The following SULT1C4 variants were observed in gnomAD, a reference collection of about 807,000 sequenced individuals.
SULT1C4 encodes the protein sulfotransferase family 1C member 4.
In SULT1C4, 32 loss-of-function variants were observed where a neutral mutation model predicts 34.8. The observed-to-expected ratio is 0.92, with a 90% CI of 0.69 to 1.23. The LOEUF is 1.23. Ranked by LOEUF, SULT1C4 falls within the 50% of genes most tolerant of loss-of-function variation. The pLI, the probability that SULT1C4 is intolerant of heterozygous loss-of-function variation, is 0.00. For synonymous variants in SULT1C4, 111 were observed against 120.5 expected, an observed-to-expected ratio of 0.92 and a Z score of 0.51; for missense variants, 375 against 365.9, an observed-to-expected ratio of 1.02 and a Z score of -0.20.
intron 5 of SULT1C4, among the ~76,000 whole-genome samples, chr2:108,384,251 A>G (rs1678510990): frequency 6.7e-6 from 1 of 148,826 alleles, no homozygotes. Flanking sequence ...ATTTTTTGAG[A>G]CGGAGTCTCA....
At chr2:108,383,537 C>CCCA in intron 5 of SULT1C4, 27 bp downstream of exon 5, 2 of 1,589,686 alleles carry the variant, frequency 1.3e-6, no homozygotes, top group East Asian at 4.5e-5. Context: ...CTAAGGTGTA[C>CCCA]CCACTGGACC....
Position 108,380,691 on chromosome 2 carries a change from G to T in SULT1C4, c.170-1071G>T, listed in dbSNP as rs547058232. ...AGACACAGACAGACTGAAGCTGGGG[G>T]ATACCATTCTACCTATGGCCACAGT... On this transcript the variant is annotated intron_variant, in intron 1 of 6. Coordinates refer to ENST00000272452, the MANE Select transcript of SULT1C4 (RefSeq NM_006588.4). 3.3e-5 allele frequency among the ~76,000 whole-genome samples: 5 copies of T among 152,314 alleles called. No individual in the cohort carries two copies. The South Asian group carries it at 1.0e-3, about 32-fold the overall frequency.
At chr2:108,383,556 T>C (rs1483632305) in intron 5 of SULT1C4, 46 bp downstream of exon 5, 1 of 1,559,380 alleles carries the variant, frequency 6.4e-7, no homozygotes, top group Admixed American at 1.8e-5. Flanking sequence ...CCATAAAACA[T>C]TTAAGTCATA....
intron 4 of SULT1C4, 37 bp from the exon 5 acceptor site, chr2:108,383,379 T>C (rs1341191755): frequency 1.2e-6 from 2 of 1,606,330 alleles, no homozygotes; most frequent in Non-Finnish European, 1.7e-6. Context: ...ATAGGACCTC[T>C]GTGACTCATT....
rs1283482678 is a variant in SULT1C4 at position 108,388,068 on chromosome 2, T to G, written c.*636T>G. 6.6e-6 allele frequency: 1 copy of G among 152,378 alleles called. No individual in the cohort carries two copies. Among genetic ancestry groups the G allele is most frequent in the Non-Finnish European group, 1.5e-5 (1 of 68,194 alleles). 9.4% of individuals were successfully genotyped at this position (152,378 alleles called of 1,614,324 possible). A position where few individuals can be genotyped will look rare whatever the true frequency, so the allele number is the denominator to read the frequency against. ...CACCCGCTTCGGCCTCCCAAAGTGC[T>G]GAGATTACAGGCGTGAGCCACTGCG... On this transcript the variant is annotated 3_prime_UTR_variant, in exon 7 of 7. Transcript: ENST00000272452.
Position 108,383,151 on chromosome 2 carries a change from G to A in SULT1C4, c.452G>A (p.Arg151Lys), listed in dbSNP as rs1229976405. The A allele has an allele frequency of 1.2e-6, 2 of 1,612,674 alleles. No homozygotes were observed. ...DNMVSYYHFQ[R>K]MNKALPAPGT... Reference sequence around the variant, plus strand: ...ATGGTGTCCTATTACCATTTCCAAAGAATGAATAAAGCTCTTCCTGCTCCA... The same window carrying A: ...ATGGTGTCCTATTACCATTTCCAAAAAATGAATAAAGCTCTTCCTGCTCCA... Residue 151 changes from arginine to lysine, a missense_variant, in exon 4 of 7, where the codon AGA (arginine) becomes AAA (lysine). Coordinates refer to ENST00000272452, the MANE Select transcript of SULT1C4 (RefSeq NM_006588.4).
Position 108,381,746 on chromosome 2 carries a change from T to C in SULT1C4, c.170-16T>C. The C allele has an allele frequency of 7.3e-7, 1 of 1,370,268 alleles. No individual in the cohort carries two copies. Among genetic ancestry groups the C allele is most frequent in the Non-Finnish European group, 9.5e-7 (1 of 1,055,274 alleles). The allele number at this position is 1,370,268 out of a possible 1,614,324, so 84.9% of individuals were successfully genotyped here. On this transcript the variant is annotated splice_polypyrimidine_tract_variant and intron_variant, in intron 1 of 6. Coordinates refer to ENST00000272452, the MANE Select transcript of SULT1C4 (RefSeq NM_006588.4). ...ATACTAGATGTCTATTCATCTTCAT[T>C]TTACGTGCACGTAAGGAACAACATG...
rs996811232 is a variant in SULT1C4 at position 108,382,404 on chromosome 2, A to G, written c.315A>G (p.Ala105=). ...SLGSGLEQAH[A]MPSPRILKTH... is the part of the protein sequence containing the mutation. Reference sequence around the variant, plus strand: ...TTGCAGGTTTGGAACAAGCTCATGCAATGCCCTCACCACGGATCCTGAAAA... The same window carrying G: ...TTGCAGGTTTGGAACAAGCTCATGCGATGCCCTCACCACGGATCCTGAAAA... The change falls in exon 3 of 7, where the codon GCA becomes GCG. Residue 105 remains alanine, a synonymous_variant. Transcript: ENST00000272452. The G allele has an allele frequency of 3.7e-6, 6 of 1,613,974 alleles. No individual in the cohort carries two copies. Among genetic ancestry groups the G allele is most frequent in the South Asian group, 1.1e-5 (1 of 91,078 alleles).
At chr2:108,387,287 C>T (rs1678593040) in intron 6 of SULT1C4, 33 bp from the exon 7 acceptor site, 1 of 1,515,328 alleles carries the variant, frequency 6.6e-7, no homozygotes, top group Non-Finnish European at 9.1e-7. Flanking sequence ...CTTCCAACAG[C>T]TACTGAACCT....
chr2:108,383,213 G>A lies in SULT1C4; in HGVS notation c.514G>A (p.Gly172Arg), dbSNP rs532365323. 3.4e-5 allele frequency: 55 copies of A among 1,608,470 alleles called. No individual in the cohort carries two copies. In the Admixed American group the frequency reaches 3.9e-4, roughly 12 times the overall value. Residue 172 changes from glycine (G) to arginine (R), a missense_variant, in exon 4 of 7, where the codon GGG becomes AGG. Coordinates refer to ENST00000272452, the MANE Select transcript of SULT1C4 (RefSeq NM_006588.4). ...WEEYFETFLA[G>R]KVCWGSWHEH... is the part of the protein sequence containing the mutation. ...AGAGTATTTTGAGACTTTTCTGGCT[G>A]GGAAAGGTGAGAGAATTTAGCTTTG... is the stretch of plus-strand genomic sequence containing the variant.
At position 108,386,141 on chromosome 2, in the gene SULT1C4, T is replaced by C. The variant is rs184235751; in HGVS notation, c.616-51T>C. 1,210 of 1,320,432 alleles carry C rather than the reference T, an allele frequency of 9.2e-4. 4 individuals are homozygous for C. The highest frequency in any genetic ancestry group is 5.2e-3 in the Admixed American group (183 of 34,978). 81.8% of individuals were successfully genotyped at this position (1,320,432 alleles called of 1,614,324 possible). A position where few individuals can be genotyped will look rare whatever the true frequency, so the allele number is the denominator to read the frequency against. On this transcript the variant is annotated intron_variant, in intron 5 of 6. Coordinates refer to ENST00000272452, the MANE Select transcript of SULT1C4 (RefSeq NM_006588.4). ...TGTCATTAATCCATCATAATATTCT[T>C]TTTAAACTAATTCTATTAAATCATT...
rs1266837403 is a variant in SULT1C4 at position 108,388,814 on chromosome 2, C to T, written c.*1382C>T. On this transcript the variant is annotated 3_prime_UTR_variant, in exon 7 of 7. Transcript: ENST00000272452. ...CAGTTTTATTTATACCAAGCCTCCT[C>T]CTGAAATTTCTCTTCCTTTCTTTCT... 2.0e-5 allele frequency among the ~76,000 whole-genome samples: 3 copies of T among 152,240 alleles called. No individual in the cohort carries two copies. The highest frequency in any genetic ancestry group is 3.4e-3 in the Middle Eastern group (1 of 294).
At chr2:108,385,820 T>C (rs756414469) in intron 5 of SULT1C4, among the ~76,000 whole-genome samples, 3 of 152,194 alleles carry the variant, frequency 2.0e-5, no homozygotes, top group Non-Finnish European at 2.9e-5. Context: ...AGGATGTAGC[T>C]TCCTCTGTGT....
intron 1 of SULT1C4, among the ~76,000 whole-genome samples, chr2:108,378,734 T>TC (rs1309826084): frequency 6.6e-6 from 1 of 151,748 alleles, no homozygotes; most frequent in Non-Finnish European, 1.5e-5. Context: ...TCCTTTTTTT[T>TC]TTTTTTTCAC....
intron 5 of SULT1C4, among the ~76,000 whole-genome samples, chr2:108,384,276 C>T (rs1387121422): frequency 1.3e-5 from 2 of 151,600 alleles, no homozygotes; most frequent in Non-Finnish European, 2.9e-5. Flanking sequence ...GTCACCCAGG[C>T]TGGAGTGCAG....
At position 108,378,229 on chromosome 2, in the gene SULT1C4, G is replaced by C. The variant is rs1351392047; in HGVS notation, c.-109G>C. The C allele has an allele frequency of 1.8e-6, 2 of 1,106,436 alleles. No individual in the cohort carries two copies. The highest frequency in any genetic ancestry group is 4.3e-5 in the Admixed American group (2 of 46,564). 68.5% of individuals were successfully genotyped at this position (1,106,436 alleles called of 1,614,324 possible). A position where few individuals can be genotyped will look rare whatever the true frequency, so the allele number is the denominator to read the frequency against. On this transcript the variant is annotated 5_prime_UTR_variant, in exon 1 of 7. Transcript: ENST00000272452. ...CCAGACAGGCCTGTGCTAGAGGGCTGGATAGTGTGGTAGTGTGGTGGATAG... is the reference window on the plus strand; with the variant it reads ...CCAGACAGGCCTGTGCTAGAGGGCTCGATAGTGTGGTAGTGTGGTGGATAG...
chr2:108,378,260 T>A lies in SULT1C4; in HGVS notation c.-78T>A. ...TGTGGTAGTGTGGTGGATAGAGTGC[T>A]GCCTCTATCCACAACGCAGCCATAT... On this transcript the variant is annotated 5_prime_UTR_variant, in exon 1 of 7. Transcript: ENST00000272452. 10 of 1,371,652 alleles carry A rather than the reference T, an allele frequency of 7.3e-6. No individual in the cohort carries two copies. Among genetic ancestry groups the A allele is most frequent in the African/African-American group, 2.9e-5 (2 of 68,616 alleles). 85.0% of individuals were successfully genotyped at this position (1,371,652 alleles called of 1,614,324 possible). A position where few individuals can be genotyped will look rare whatever the true frequency, so the allele number is the denominator to read the frequency against.
intron 2 of SULT1C4, 21 bp downstream of exon 2, chr2:108,381,908 T>A (rs778778369): frequency 2.1e-6 from 3 of 1,463,222 alleles, no homozygotes; most frequent in Admixed American, 5.3e-5. Flanking sequence ...ATAGCCACAC[T>A]TCACTACAGT....
Position 108,388,421 on chromosome 2 carries a change from C to T in SULT1C4, c.*989C>T, listed in dbSNP as rs1227156216. Reference sequence around the variant, plus strand: ...ATCTACGAAATCTCTTAAAATATTTCCGTCTAACCATTCCTTGTTTTCCTT... The same window carrying T: ...ATCTACGAAATCTCTTAAAATATTTTCGTCTAACCATTCCTTGTTTTCCTT... On this transcript the variant is annotated 3_prime_UTR_variant, in exon 7 of 7. Coordinates refer to ENST00000272452, the MANE Select transcript of SULT1C4 (RefSeq NM_006588.4). Among the ~76,000 whole-genome samples the T allele has an allele frequency of 6.6e-6, 1 of 152,188 alleles. No homozygotes were observed. Among genetic ancestry groups the T allele is most frequent in the Non-Finnish European group, 1.5e-5 (1 of 68,042 alleles).
Sources: allele counts gnomAD v4.1 joint callset (sites outside exome capture counted in the v4.1 genomes callset), GRCh38; gene constraint gnomAD v4.1.1; transcripts MANE v1.5; gene names NCBI Gene and HGNC (gene_info 2026-07-23, HGNC 2026-07-21).